ATP11A: variants seen among roughly 807,000 people sequenced by gnomAD.
The protein encoded by ATP11A is phospholipid-transporting ATPase IH.
Under a neutral mutation model 154.4 loss-of-function variants are expected in ATP11A, and 81 were observed. That is an observed-to-expected ratio of 0.52 (90% CI 0.44 to 0.63). The LOEUF (loss-of-function observed/expected upper bound fraction) is 0.63, where lower values mean the gene tolerates loss of function less well. Ranked by LOEUF, ATP11A falls within the 30% of genes least tolerant of loss-of-function variation. The pLI is 0.00. For missense variants in ATP11A, 1,316 were observed against 1,474.3 expected (o/e 0.89, Z 1.76); for synonymous variants, 623 against 585.9 (o/e 1.06, Z -0.91).
intron 1 of ATP11A, among the ~76,000 whole-genome samples, chr13:112,738,437 C>G (rs1450598700): frequency 6.6e-6 from 1 of 152,192 alleles, no homozygotes; most frequent in Non-Finnish European, 1.5e-5. Flanking sequence ...GTATTTACCC[C>G]TCTGCTCGTA....
intron 1 of ATP11A, among the ~76,000 whole-genome samples, chr13:112,722,417 G>C (rs2139641662): frequency 6.6e-6 from 1 of 152,272 alleles, no homozygotes; most frequent in African/African-American, 2.4e-5. Flanking sequence ...TGTCTGGGTT[G>C]GGGTAAAGAG....
In ATP11A at chr13:112,825,527, C is replaced by T. The variant is rs775270876; in HGVS notation, c.970C>T (p.Arg324Trp). 6 of 1,613,858 alleles carry T rather than the reference C, an allele frequency of 3.7e-6. No homozygotes were observed. The highest frequency in any genetic ancestry group is 1.7e-4 in the Middle Eastern group (1 of 6,044). Reference sequence around the variant, plus strand: ...ATACATGTGGCAGAGTGAGCCCTTTCGGGATGAGCCGTGGTATAATCAGAA... The same window carrying T: ...ATACATGTGGCAGAGTGAGCCCTTTTGGGATGAGCCGTGGTATAATCAGAA... ...LKYMWQSEPF[R>W]DEPWYNQKTE... Residue 324 changes from arginine (R) to tryptophan (W), a missense_variant, in exon 11 of 30, where the codon CGG (arginine) becomes TGG (tryptophan). By Grantham distance (101) the Arg-to-Trp change is moderately radical. Around this residue, in one of 5 missense-constraint regions of ATP11A, gnomAD observed 876 missense variants for 1,006.8 expected, o/e 0.87. Transcript: ENST00000375645.
Position 112,697,753 on chromosome 13 carries a change from T to C in ATP11A, c.39+7298T>C, listed in dbSNP as rs1190801960. 9.3e-5 allele frequency among the ~76,000 whole-genome samples: 11 copies of C among 118,404 alleles called. No homozygotes were observed. The highest frequency in any genetic ancestry group is 2.6e-4 in the Admixed American group (3 of 11,684). 77.7% of individuals were successfully genotyped at this position (118,404 alleles called of 152,430 possible). A position where few individuals can be genotyped will look rare whatever the true frequency, so the allele number is the denominator to read the frequency against. Reference sequence around the variant, plus strand: ...TTTTTTTTTTTTTTTTTTTTTTTTTTAGTAGAGATGGGGTTTCACCATATT... The same window carrying C: ...TTTTTTTTTTTTTTTTTTTTTTTTTCAGTAGAGATGGGGTTTCACCATATT... On this transcript the variant is annotated intron_variant, in intron 1 of 29. Transcript: ENST00000375645. The surrounding 1 kb of genome is among the most constrained non-coding windows in gnomAD (Gnocchi z 4.0).
At chr13:112,820,541 G>GCGACCCTCAGACACCTCATCTATGGCCC (rs1348273337) in intron 8 of ATP11A, among the ~76,000 whole-genome samples, 16 of 152,206 alleles carry the variant, frequency 1.1e-4, no homozygotes, top group African/African-American at 3.6e-4. Flanking sequence ...TGAGGAAACA[G>GCGACCCTCAGACACCTCATCTATGGCCC]CGACCCTCAG....
intron 1 of ATP11A, among the ~76,000 whole-genome samples, chr13:112,744,791 T>C (rs1019350607): frequency 6.6e-6 from 1 of 152,256 alleles, no homozygotes; most frequent in African/African-American, 2.4e-5. Flanking sequence ...TAAAACGTTG[T>C]GGTTAGCCAA....
chr13:112,874,983 T>C (rs1631350), intron 27 of ATP11A, among the ~76,000 whole-genome samples: 140,935 of 152,248 alleles, frequency 0.93, 65,837 homozygotes, highest in Non-Finnish European at 0.99. Flanking sequence ...CCCCACGTCT[T>C]TGATGTGCTG....
chr13:112,768,358 G>A (rs1180332952), intron 1 of ATP11A, among the ~76,000 whole-genome samples: 6 of 152,192 alleles, frequency 3.9e-5, no homozygotes, highest in Middle Eastern at 3.2e-3. Flanking sequence ...CCTCTCCAGC[G>A]GACGCTGCAC....
intron 1 of ATP11A, among the ~76,000 whole-genome samples, chr13:112,765,694 A>AT (rs1255652913): frequency 6.6e-6 from 1 of 152,252 alleles, no homozygotes; most frequent in Non-Finnish European, 1.5e-5. Context: ...TTTGAACAAA[A>AT]TATCTCAGGT....
At chr13:112,773,380 C>T (rs1320860035) in intron 1 of ATP11A, among the ~76,000 whole-genome samples, 1 of 152,218 alleles carries the variant, frequency 6.6e-6, no homozygotes, top group Non-Finnish European at 1.5e-5. Context: ...GGAAATGCCG[C>T]CTCTCTCTGT....
chr13:112,712,698 G>A (rs1016782), intron 1 of ATP11A, among the ~76,000 whole-genome samples: 5,443 of 152,280 alleles, frequency 0.036, 144 homozygotes, highest in Admixed American at 0.074. Context: ...CCAAGGTGTG[G>A]CTCTATGGCC....
chr13:112,703,920 C>T (rs1886863859), intron 1 of ATP11A, among the ~76,000 whole-genome samples: 1 of 152,174 alleles, frequency 6.6e-6, no homozygotes, highest in South Asian at 2.1e-4. Flanking sequence ...AACTCAGAGG[C>T]TGCTGGATCA....
chr13:112,846,705 G>A (rs1052286417), intron 17 of ATP11A, among the ~76,000 whole-genome samples: 2 of 152,218 alleles, frequency 1.3e-5, no homozygotes, highest in South Asian at 4.1e-4. Context: ...GCCTGTGGCC[G>A]GATGCCTGCC....
chr13:112,860,219 A>G (rs943221955), intron 23 of ATP11A, 68 bp from the exon 24 acceptor site: 2 of 1,542,698 alleles, frequency 1.3e-6, no homozygotes, highest in Non-Finnish European at 8.8e-7. Flanking sequence ...AAATATATTT[A>G]ATCAAAAGAT....
intron 1 of ATP11A, among the ~76,000 whole-genome samples, chr13:112,752,934 G>C (rs77930963): frequency 6.6e-6 from 1 of 152,178 alleles, no homozygotes; most frequent in African/African-American, 2.4e-5. Flanking sequence ...AGTTAATGGA[G>C]GGACTGGCTG....
In ATP11A at chr13:112,690,260, G is replaced by C; in HGVS notation, c.-157G>C. 7.2e-6 allele frequency: 2 copies of C among 276,464 alleles called. No homozygotes were observed. The highest frequency in any genetic ancestry group is 1.3e-4 in the Admixed American group (2 of 15,846). The allele number at this position is 276,464 out of a possible 1,614,324, so 17.1% of individuals were successfully genotyped here. A position where few individuals can be genotyped will look rare whatever the true frequency, so the allele number is the denominator to read the frequency against. On this transcript the variant is annotated 5_prime_UTR_variant, in exon 1 of 30. It removes an upstream start codon present in the reference 5' UTR. Coordinates refer to ENST00000375645, the MANE Select transcript of ATP11A (RefSeq NM_015205.3). This position sits in a 1 kb window ranked among gnomAD's most constrained non-coding sequence, Gnocchi z 5.6. The stretch of plus-strand genomic sequence containing the variant: ...AGCATTCGCCGGCCGGGCCGGGCAT[G>C]AGCGCGGAGGGGCCGCGGCCGCCCC...
rs1301604618 is a variant in ATP11A at position 112,697,093 on chromosome 13, C to T, written c.39+6638C>T. Among the ~76,000 whole-genome samples the T allele has an allele frequency of 1.3e-5, 2 of 152,132 alleles. No individual in the cohort carries two copies. Among genetic ancestry groups the T allele is most frequent in the African/African-American group, 2.4e-5 (1 of 41,438 alleles). On this transcript the variant is annotated intron_variant, in intron 1 of 29. Coordinates refer to ENST00000375645, the MANE Select transcript of ATP11A (RefSeq NM_015205.3). The surrounding 1 kb of genome is among the most constrained non-coding windows in gnomAD (Gnocchi z 4.0). ...CCTGGCCAGGTGGGTGCCTGCGTGTCCAGCCTGAGGGGCGGCCCACGCAGC... is the reference window on the plus strand; with the variant it reads ...CCTGGCCAGGTGGGTGCCTGCGTGTTCAGCCTGAGGGGCGGCCCACGCAGC...
chr13:112,874,578 T>C (rs548163509), intron 27 of ATP11A, among the ~76,000 whole-genome samples: 31 of 152,248 alleles, frequency 2.0e-4, no homozygotes, highest in African/African-American at 7.2e-4. Flanking sequence ...CTGGGGTCAG[T>C]AGCCGGCCTA....
At position 112,863,902 on chromosome 13, in the gene ATP11A, A is replaced by C. The variant is rs1431906517; in HGVS notation, c.2991+1327A>C. Among the ~76,000 whole-genome samples, 9 of 92,678 alleles carry C rather than the reference A, an allele frequency of 9.7e-5. 1 individual carries two copies. In the Admixed American group the frequency reaches 1.1e-3, roughly 12 times the overall value. The allele number at this position is 92,678 out of a possible 152,430, so 60.8% of individuals were successfully genotyped here. ...GGGGTCCATCACCACCTGCGCAGTA[A>C]TTCAGTGCAGCACGTGCAGCTTCCC... On this transcript the variant is annotated intron_variant, in intron 25 of 29. Coordinates refer to ENST00000375645, the MANE Select transcript of ATP11A (RefSeq NM_015205.3).
At chr13:112,865,044 G>A (rs150796848) in intron 25 of ATP11A, among the ~76,000 whole-genome samples, 1,799 of 145,146 alleles carry the variant, frequency 0.012, 35 homozygotes, top group African/African-American at 0.03. Context: ...ATAATTCAGC[G>A]TAGCACGTGC....
Sources: gnomAD v4.1 joint callset for allele counts (sites outside exome capture counted in the v4.1 genomes callset) on GRCh38, gnomAD v4.1.1 for gene constraint, gnomAD v4.1.1 regional missense constraint, Gnocchi (gnomAD v3.1) non-coding constraint, MANE v1.5 for transcripts, NCBI Gene and HGNC (gene_info 2026-07-23, HGNC 2026-07-21) for gene names.